The following ARHGEF26 variants were observed in gnomAD, a reference collection of about 807,000 sequenced individuals.
ARHGEF26 encodes Rho guanine nucleotide exchange factor 26.
ARHGEF26 carries 59 observed loss-of-function variants against 89.4 expected under a neutral mutation model. The ratio of observed to expected loss-of-function variants is 0.66; its 90% confidence interval spans 0.54 to 0.82. ARHGEF26 has a LOEUF of 0.82. ARHGEF26 is among the 40% of genes least tolerant of loss of function. ARHGEF26 has a pLI of 0.00. For missense variants in ARHGEF26, 1,234 were observed against 1,085.6 expected (o/e 1.14, Z -1.92); for synonymous variants, 500 against 428.4 (o/e 1.17, Z -2.06).
At chr3:154,204,837 C>T (rs1231528280) in intron 9 of ARHGEF26, among the ~76,000 whole-genome samples, 1 of 152,000 alleles carries the variant, frequency 6.6e-6, no homozygotes, top group Admixed American at 6.6e-5. Flanking sequence ...TCCAAAATTC[C>T]TGTTACTAAT....
At chr3:154,226,835 A>G (rs1469108533) in intron 11 of ARHGEF26, among the ~76,000 whole-genome samples, 1 of 152,150 alleles carries the variant, frequency 6.6e-6, no homozygotes, top group African/African-American at 2.4e-5. Flanking sequence ...TTATTTCCAC[A>G]TATGAGGGAA....
intron 6 of ARHGEF26, among the ~76,000 whole-genome samples, chr3:154,184,328 A>G (rs897449161): frequency 6.6e-6 from 1 of 152,222 alleles, no homozygotes; most frequent in Non-Finnish European, 1.5e-5. Context: ...AGTTGGAGTT[A>G]AATGACAAAT....
rs1669426704 is a variant in ARHGEF26, at chr3:154,149,455, T to C, written c.1326+10T>C. On this transcript the variant is annotated intron_variant, in intron 5 of 14. Transcript: ENST00000465093. ...AAGAAAGAGACAAGAGGTATGTTTCTACCGAGCAGCTGCTTTAGAGCTCTG... is the reference window on the plus strand; with the variant it reads ...AAGAAAGAGACAAGAGGTATGTTTCCACCGAGCAGCTGCTTTAGAGCTCTG... 1.9e-6 allele frequency: 3 copies of C among 1,603,388 alleles called. No homozygotes were observed.
At chr3:154,230,795 T>A (rs896499056) in intron 11 of ARHGEF26, among the ~76,000 whole-genome samples, 4 of 152,216 alleles carry the variant, frequency 2.6e-5, no homozygotes, top group African/African-American at 7.2e-5. Context: ...TCAAAATTTT[T>A]AATTTTTTTT....
intron 4 of ARHGEF26, among the ~76,000 whole-genome samples, chr3:154,136,630 A>G (rs540761863): frequency 6.6e-6 from 1 of 152,334 alleles, no homozygotes; most frequent in Admixed American, 6.5e-5. Context: ...TTTTCTAGTA[A>G]AAATCAGAGC....
chr3:154,186,674 A>G (rs1576752279), intron 6 of ARHGEF26, among the ~76,000 whole-genome samples: 1 of 151,900 alleles, frequency 6.6e-6, no homozygotes, highest in African/African-American at 2.4e-5. Context: ...AGGCAGGAGA[A>G]TCACTTGATC....
intron 11 of ARHGEF26, among the ~76,000 whole-genome samples, chr3:154,229,273 A>G (rs1485455742): frequency 6.6e-6 from 1 of 152,092 alleles, no homozygotes; most frequent in East Asian, 1.9e-4. Context: ...ATTCACAGGC[A>G]TGATCATAGC....
rs375169687 is a variant in ARHGEF26, at chr3:154,247,046, CA to C, written c.2301-6069del. Reference sequence around the variant, plus strand: ...ACAGGCTTCCTAGTTTCACACCCAGCAGTCCAATCTTCCTTTCTTTACCTCT... The same window carrying C: ...ACAGGCTTCCTAGTTTCACACCCAGCGTCCAATCTTCCTTTCTTTACCTCT... On this transcript the variant is annotated intron_variant, in intron 12 of 14. Coordinates refer to ENST00000465093, the MANE Select transcript of ARHGEF26 (RefSeq NM_015595.4). Among the ~76,000 whole-genome samples, 225 of 152,304 alleles carry C rather than the reference CA, an allele frequency of 1.5e-3. 1 individual carries two copies. Among genetic ancestry groups the C allele is most frequent in the African/African-American group, 5.3e-3 (221 of 41,564 alleles).
intron 4 of ARHGEF26, among the ~76,000 whole-genome samples, chr3:154,148,593 G>T (rs1217113747): frequency 1.3e-5 from 2 of 152,094 alleles, no homozygotes; most frequent in East Asian, 1.9e-4. Context: ...CCCCATTTGG[G>T]TGGAGATGCC....
intron 11 of ARHGEF26, among the ~76,000 whole-genome samples, chr3:154,227,074 A>G (rs1716537113): frequency 6.6e-6 from 1 of 152,178 alleles, no homozygotes; most frequent in Admixed American, 6.5e-5. Context: ...GCTCCTTTTA[A>G]TCAGACCATA....
At chr3:154,163,235 T>A (rs1711776318) in intron 6 of ARHGEF26, among the ~76,000 whole-genome samples, 1 of 152,202 alleles carries the variant, frequency 6.6e-6, no homozygotes, top group Admixed American at 6.5e-5. Context: ...CAATGAGCCT[T>A]TGGTAAAATT....
chr3:154,233,553 G>T (rs1421887276), intron 11 of ARHGEF26, among the ~76,000 whole-genome samples: 1 of 152,100 alleles, frequency 6.6e-6, no homozygotes, highest in Non-Finnish European at 1.5e-5. Context: ...CAGTGCTACT[G>T]GGGGGGAATG....
chr3:154,194,932 G>A (rs1714195959), intron 9 of ARHGEF26, among the ~76,000 whole-genome samples: 2 of 152,216 alleles, frequency 1.3e-5, no homozygotes. Flanking sequence ...AGAGCCTACA[G>A]ATACCTCATT....
intron 10 of ARHGEF26, among the ~76,000 whole-genome samples, chr3:154,220,341 T>A (rs1009455350): frequency 2.0e-5 from 3 of 152,150 alleles, no homozygotes; most frequent in African/African-American, 7.2e-5. Flanking sequence ...CAGCAAAGTC[T>A]ACAGCTGTCA....
intron 6 of ARHGEF26, among the ~76,000 whole-genome samples, chr3:154,160,831 T>C (rs1711611036): frequency 6.6e-6 from 1 of 152,106 alleles, no homozygotes; most frequent in African/African-American, 2.4e-5. Flanking sequence ...CAGGAATTGA[T>C]GATGAAGTTG....
At chr3:154,187,886 T>G (rs761117580) in intron 7 of ARHGEF26, 49 bp downstream of exon 7, 2 of 1,480,298 alleles carry the variant, frequency 1.4e-6, no homozygotes, top group Admixed American at 2.1e-5. Flanking sequence ...CTAGTTTTAA[T>G]TAGGCTACAT....
chr3:154,182,405 T>C (rs745699815), intron 6 of ARHGEF26, among the ~76,000 whole-genome samples: 7 of 152,142 alleles, frequency 4.6e-5, no homozygotes, highest in Non-Finnish European at 8.8e-5. Context: ...ACAGGGCACC[T>C]GTAAACCAAT....
intron 6 of ARHGEF26, among the ~76,000 whole-genome samples, chr3:154,161,978 CTG>C (rs1351741059): frequency 1.3e-5 from 2 of 152,132 alleles, no homozygotes; most frequent in African/African-American, 4.8e-5. Flanking sequence ...AATTCTAAGT[CTG>C]TGGATTCTGA....
intron 12 of ARHGEF26, 64 bp downstream of exon 12, chr3:154,240,643 GT>G (rs908931117): frequency 5.0e-5 from 71 of 1,431,586 alleles, no homozygotes; most frequent in Non-Finnish European, 6.6e-5. Context: ...ATTTTCTTTG[GT>G]TTACAGACTT....
Sources: gnomAD v4.1 joint callset for allele counts (sites outside exome capture counted in the v4.1 genomes callset) on GRCh38, gnomAD v4.1.1 for gene constraint, MANE v1.5 for transcripts, NCBI Gene and HGNC (gene_info 2026-07-23, HGNC 2026-07-21) for gene names.